The following USP34 variants were observed in gnomAD, a reference collection of about 807,000 sequenced individuals.
The protein encoded by USP34 is ubiquitin specific peptidase 34, also known as ubiquitin carboxyl-terminal hydrolase 34.
USP34 carries 70 observed loss-of-function variants against 460.3 expected under a neutral mutation model. The observed-to-expected ratio is 0.15, with a 90% CI of 0.13 to 0.19. USP34 has a LOEUF of 0.19. Among genes scored for constraint, USP34 ranks in the 10% least tolerant of loss-of-function variants. The pLI is 1.00. For missense variants in USP34, 3,985 were observed against 4,236.2 expected, an observed-to-expected ratio of 0.94 and a Z score of 1.65; for synonymous variants, 1,647 against 1,405.3, an observed-to-expected ratio of 1.17 and a Z score of -3.85.
intron 22 of USP34, 27 bp downstream of exon 22, chr2:61,319,146 A>C (rs748194538): frequency 6.5e-7 from 1 of 1,531,150 alleles, no homozygotes; most frequent in Non-Finnish European, 8.7e-7. Context: ...TGGAAAAATA[A>C]TAACAAACTG....
chr2:61,393,748 T>G (rs1372497944), intron 5 of USP34, among the ~76,000 whole-genome samples: 1 of 152,236 alleles, frequency 6.6e-6, no homozygotes, highest in Non-Finnish European at 1.5e-5. Flanking sequence ...CAGTGTTTGG[T>G]AAAGGTACAC....
At chr2:61,430,504 A>G (rs1012919400) in intron 1 of USP34, among the ~76,000 whole-genome samples, 1 of 152,240 alleles carries the variant, frequency 6.6e-6, no homozygotes, top group African/African-American at 2.4e-5. Flanking sequence ...GATTACAAAC[A>G]GGAATGAGGA....
At chr2:61,190,722 A>C in intron 76 of USP34, 64 bp from the exon 77 acceptor site, 4 of 1,543,246 alleles carry the variant, frequency 2.6e-6, no homozygotes, top group Non-Finnish European at 3.5e-6. Flanking sequence ...ACACGGAAAA[A>C]ACTTACACAG....
At chr2:61,361,365 T>G (rs1445324738) in intron 10 of USP34, among the ~76,000 whole-genome samples, 1 of 152,188 alleles carries the variant, frequency 6.6e-6, no homozygotes. Flanking sequence ...GAGGCTGCAA[T>G]GAGCTGTGAC....
At chr2:61,390,646 T>C (rs1305230267) in intron 5 of USP34, among the ~76,000 whole-genome samples, 1 of 152,230 alleles carries the variant, frequency 6.6e-6, no homozygotes. Flanking sequence ...CTAAAGTTTT[T>C]GAGATTGAAA....
intron 1 of USP34, among the ~76,000 whole-genome samples, chr2:61,431,618 G>A (rs965065742): frequency 4.6e-5 from 7 of 152,156 alleles, no homozygotes; most frequent in Admixed American, 2.6e-4. Flanking sequence ...CACTCTGGGA[G>A]GCCAAGTGGG....
chr2:61,314,530 T>C, intron 25 of USP34, 55 bp downstream of exon 25: 1 of 1,354,064 alleles, frequency 7.4e-7, no homozygotes, highest in Non-Finnish European at 9.7e-7. Flanking sequence ...TATTTCTGGA[T>C]ATGTCAGGAA....
At chr2:61,232,573 A>G (rs747214386) in intron 57 of USP34, 41 bp from the exon 58 acceptor site, 5 of 1,471,700 alleles carry the variant, frequency 3.4e-6, no homozygotes, top group African/African-American at 1.4e-5. Flanking sequence ...CATTCAACAA[A>G]TATTTGTTAC....
At chr2:61,308,070 C>A (rs1168818591) in intron 27 of USP34, among the ~76,000 whole-genome samples, 2 of 151,470 alleles carry the variant, frequency 1.3e-5, no homozygotes, top group African/African-American at 4.9e-5. Flanking sequence ...TAAATAAAAA[C>A]AAAGTAACAG....
At chr2:61,417,739 CTTTTCTTTTTTTTTTTTTTTTT>C (rs1694238194) in intron 2 of USP34, among the ~76,000 whole-genome samples, 1 of 81,098 alleles carries the variant, frequency 1.2e-5, no homozygotes, top group African/African-American at 4.9e-5. Flanking sequence ...TTCTTTTTTT[CTTTTCTTTTTTTTTTTTTTTTT>C]AGACAAAGTC....
chr2:61,439,917 T>C (rs1428000264), intron 1 of USP34, among the ~76,000 whole-genome samples: 1 of 152,146 alleles, frequency 6.6e-6, no homozygotes, highest in Non-Finnish European at 1.5e-5. Context: ...CAGGGACTGC[T>C]GCTGGGCCAA....
At position 61,341,645 on chromosome 2, in the gene USP34, T is replaced by C. The variant is rs550095135; in HGVS notation, c.2501-1964A>G. Among the ~76,000 whole-genome samples the C allele has an allele frequency of 1.3e-3, 203 of 152,132 alleles. 1 individual carries two copies. The highest frequency in any genetic ancestry group is 3.4e-3 in the Middle Eastern group (1 of 294). On this transcript the variant is annotated intron_variant, in intron 16 of 79. Coordinates refer to ENST00000398571, the MANE Select transcript of USP34 (RefSeq NM_014709.4). ...CATTCTACCATGATTGTAAGCTTCC[T>C]GTGGCCCTCACCAGAAGCAGATGCT...
At chr2:61,387,928 TACACACAC>T (rs36116916) in intron 5 of USP34, among the ~76,000 whole-genome samples, 30 of 142,658 alleles carry the variant, frequency 2.1e-4, no homozygotes, top group African/African-American at 4.4e-4. Flanking sequence ...AATATATTTA[TACACACAC>T]ACACACACAC....
At chr2:61,361,968 A>T (rs1001703716) in intron 10 of USP34, among the ~76,000 whole-genome samples, 3 of 152,024 alleles carry the variant, frequency 2.0e-5, no homozygotes, top group Non-Finnish European at 2.9e-5. Flanking sequence ...AATAGCAAAA[A>T]AATAATAAAT....
At chr2:61,274,847 T>C (rs1325680557) in intron 41 of USP34, among the ~76,000 whole-genome samples, 1 of 152,238 alleles carries the variant, frequency 6.6e-6, no homozygotes, top group Non-Finnish European at 1.5e-5. Context: ...AACTAGCAGT[T>C]CTAACTTTTA....
At chr2:61,221,204 A>G (rs1687572666) in intron 66 of USP34, among the ~76,000 whole-genome samples, 2 of 152,126 alleles carry the variant, frequency 1.3e-5, no homozygotes, top group South Asian at 2.1e-4. Context: ...TTCCTCTACC[A>G]TTTCTGTCAA....
At chr2:61,403,850 G>A (rs1171377749) in intron 3 of USP34, among the ~76,000 whole-genome samples, 10 of 151,910 alleles carry the variant, frequency 6.6e-5, no homozygotes, top group African/African-American at 1.2e-4. Flanking sequence ...AAAATTAGCC[G>A]GGCATGGTGG....
At chr2:61,422,954 A>C (rs963343362) in intron 1 of USP34, among the ~76,000 whole-genome samples, 6 of 152,152 alleles carry the variant, frequency 3.9e-5, no homozygotes, top group African/African-American at 1.4e-4. Context: ...GAGCCGAAAA[A>C]AATCAGTGGC....
chr2:61,393,599 C>G (rs968031137), intron 5 of USP34, among the ~76,000 whole-genome samples: 5 of 152,088 alleles, frequency 3.3e-5, no homozygotes, highest in African/African-American at 1.2e-4. Context: ...TGTACCGCAT[C>G]ACTGCAAAGC....
Sources: gnomAD v4.1 joint callset for allele counts (sites outside exome capture counted in the v4.1 genomes callset) on GRCh38, gnomAD v4.1.1 for gene constraint, MANE v1.5 for transcripts, NCBI Gene and HGNC (gene_info 2026-07-23, HGNC 2026-07-21) for gene names.